Variants in CHN2 observed in about 807,000 individuals in gnomAD.
The protein encoded by CHN2 is beta-chimaerin.
CHN2 carries 35 observed loss-of-function variants against 56.3 expected under a neutral mutation model. The observed-to-expected ratio is 0.62, with a 90% CI of 0.47 to 0.82. The LOEUF (loss-of-function observed/expected upper bound fraction) is 0.82. Among genes scored for constraint, CHN2 ranks in the 40% least tolerant of loss-of-function variants. The pLI is 0.00. For missense variants in CHN2, 491 were observed against 580.5 expected (o/e 0.85, Z 1.58); for synonymous variants, 210 against 212.8 (o/e 0.99, Z 0.12).
At chr7:29,251,403 G>C (rs528822877) in intron 1 of CHN2, among the ~76,000 whole-genome samples, 32 of 152,004 alleles carry the variant, frequency 2.1e-4, no homozygotes, top group Non-Finnish European at 4.1e-4. Context: ...GCAGTGAGCC[G>C]TGATCATGCC....
chr7:29,488,923 C>G (rs10452795), intron 7 of CHN2, among the ~76,000 whole-genome samples: 23,180 of 152,224 alleles, frequency 0.15, 1,971 homozygotes, highest in Admixed American at 0.19. Context: ...AAATTCTCAA[C>G]TGCAGCATGT....
chr7:29,493,742 T>C (rs918458353), intron 7 of CHN2, among the ~76,000 whole-genome samples: 4 of 152,160 alleles, frequency 2.6e-5, no homozygotes, highest in African/African-American at 9.7e-5. Context: ...TCTTCCACTT[T>C]CCATCTCCAC....
At chr7:29,466,111 A>G (rs1310809828) in intron 6 of CHN2, among the ~76,000 whole-genome samples, 5 of 152,146 alleles carry the variant, frequency 3.3e-5, no homozygotes. Context: ...CTGAGGCACA[A>G]GAATCGCTTG....
intron 4 of CHN2, among the ~76,000 whole-genome samples, chr7:29,395,403 G>T (rs971774018): frequency 1.3e-5 from 2 of 152,072 alleles, no homozygotes; most frequent in Non-Finnish European, 2.9e-5. Context: ...CATGCCTATG[G>T]TCCCAGCTAC....
rs70980522 is a variant in CHN2, at chr7:29,293,857, A to ATTTTTT, written c.50-60746_50-60741dup. On this transcript the variant is annotated intron_variant, in intron 1 of 12. Coordinates refer to ENST00000222792, the MANE Select transcript of CHN2 (RefSeq NM_004067.4). ...GCATATAAGCTCCACGAGGCTGGGA[A>ATTTTTT]TTTTTTTTTTTTTTTTTTTTTTTTT... 1.3e-4 allele frequency among the ~76,000 whole-genome samples: 10 copies of ATTTTTT among 78,520 alleles called. 1 individual carries two copies. Among genetic ancestry groups the ATTTTTT allele is most frequent in the African/African-American group, 3.5e-4 (7 of 19,900 alleles). 51.5% of individuals were successfully genotyped at this position (78,520 alleles called of 152,430 possible). A position where few individuals can be genotyped will look rare whatever the true frequency, so the allele number is the denominator to read the frequency against.
At chr7:29,452,983 G>A (rs1784507480) in intron 6 of CHN2, among the ~76,000 whole-genome samples, 1 of 152,206 alleles carries the variant, frequency 6.6e-6, no homozygotes, top group Admixed American at 6.5e-5. Flanking sequence ...CATGACTTTT[G>A]AGGGTCTAAC....
intron 1 of CHN2, among the ~76,000 whole-genome samples, chr7:29,202,371 A>C (rs924554685): frequency 6.6e-6 from 1 of 152,222 alleles, no homozygotes; most frequent in African/African-American, 2.4e-5. Flanking sequence ...AGCACATTTA[A>C]TTGGGGGGAA....
In CHN2 at chr7:29,345,567, A is replaced by G. The variant is rs73305017; in HGVS notation, c.50-9058A>G. On this transcript the variant is annotated intron_variant, in intron 1 of 12. Transcript: ENST00000222792. ...GTGTTCGAGGAGCAAAAGAAAAGCC[A>G]GAGTGGATGAGGGCTAAAGGGCAAG... is the stretch of plus-strand genomic sequence containing the variant. 5.2e-3 allele frequency among the ~76,000 whole-genome samples: 797 copies of G among 152,258 alleles called. 4 individuals carry two copies. The highest frequency in any genetic ancestry group is 0.018 in the African/African-American group (760 of 41,556).
At chr7:29,264,015 G>A (rs918594112) in intron 1 of CHN2, among the ~76,000 whole-genome samples, 14 of 149,962 alleles carry the variant, frequency 9.3e-5, no homozygotes, top group African/African-American at 3.5e-4. Context: ...CCGGGAGCTG[G>A]GGGGCAGGCC....
At chr7:29,203,762 C>T (rs1329391172) in intron 1 of CHN2, among the ~76,000 whole-genome samples, 4 of 152,170 alleles carry the variant, frequency 2.6e-5, no homozygotes, top group African/African-American at 9.7e-5. Context: ...CTTACCAAGG[C>T]AACTCAGCCC....
At chr7:29,256,551 CA>C in intron 1 of CHN2, among the ~76,000 whole-genome samples, 1 of 152,204 alleles carries the variant, frequency 6.6e-6, no homozygotes, top group Middle Eastern at 3.2e-3. Context: ...TTTCTGACCT[CA>C]TTACAAAGAA....
At chr7:29,223,510 A>G (rs1785957578) in intron 1 of CHN2, among the ~76,000 whole-genome samples, 2 of 152,150 alleles carry the variant, frequency 1.3e-5, no homozygotes, top group Admixed American at 6.5e-5. Context: ...ATGGAATCAT[A>G]TAAGATTTAC....
chr7:29,438,604 A>G (rs1341457712), intron 6 of CHN2, among the ~76,000 whole-genome samples: 3 of 152,132 alleles, frequency 2.0e-5, no homozygotes, highest in Non-Finnish European at 4.4e-5. Flanking sequence ...TAAATTTCAG[A>G]TATCTATTTT....
chr7:29,499,771 C>T, intron 8 of CHN2, 96 bp from the exon 9 acceptor site: 1 of 1,172,622 alleles, frequency 8.5e-7, no homozygotes, highest in Non-Finnish European at 1.2e-6. Context: ...ATGTCAAACC[C>T]TTGGGTGGTG....
In CHN2 at chr7:29,400,608, G is replaced by A. The variant is rs1409734964; in HGVS notation, c.356G>A (p.Arg119Lys). 6.2e-7 allele frequency: 1 copy of A among 1,614,186 alleles called. No homozygotes were observed. Among genetic ancestry groups the A allele is most frequent in the Non-Finnish European group, 8.5e-7 (1 of 1,180,038 alleles). The change falls in exon 6 of 13, where the codon AGG becomes AAG. Residue 119 changes from arginine (R) to lysine (K), a missense_variant. Arg to Lys is a conservative substitution (Grantham distance 26). Transcript: ENST00000222792. ...GGGAAACACTTTGTGGGTGAGAAGA[G>A]GTTTGAGTCGATTCATGATCTGGTG... ...HDGKHFVGEK[R>K]FESIHDLVTD... is the part of the protein sequence containing the mutation.
chr7:29,261,572 T>C (rs1486267836), intron 1 of CHN2, among the ~76,000 whole-genome samples: 2 of 152,228 alleles, frequency 1.3e-5, no homozygotes, highest in Admixed American at 6.5e-5. Context: ...TTGAAAACAT[T>C]ATCCCTCAGA....
At chr7:29,493,443 G>T (rs1276203368) in intron 7 of CHN2, among the ~76,000 whole-genome samples, 2 of 152,042 alleles carry the variant, frequency 1.3e-5, no homozygotes, top group African/African-American at 4.8e-5. Context: ...ATCATAGATG[G>T]TGAAATTTAT....
chr7:29,295,986 C>A lies in CHN2; in HGVS notation c.50-58639C>A, dbSNP rs73076427. Among the ~76,000 whole-genome samples the A allele has an allele frequency of 8.2e-3, 1,252 of 152,208 alleles. 5 individuals are homozygous for A. The highest frequency in any genetic ancestry group is 0.015 in the Admixed American group (225 of 15,290). On this transcript the variant is annotated intron_variant, in intron 1 of 12. Transcript: ENST00000222792. ...TGGCAGCTGAGCTGTCTGTGGGCAC[C>A]ACAGGCTTGTCCATGTTGAATAAAT...
intron 1 of CHN2, among the ~76,000 whole-genome samples, chr7:29,347,209 C>T (rs753513942): frequency 5.3e-5 from 8 of 152,086 alleles, no homozygotes; most frequent in African/African-American, 1.7e-4. Flanking sequence ...TTCAATTGAC[C>T]TAACTTATTT....
Sources: allele counts gnomAD v4.1 joint callset (sites outside exome capture counted in the v4.1 genomes callset), GRCh38; gene constraint gnomAD v4.1.1; transcripts MANE v1.5; gene names NCBI Gene and HGNC (gene_info 2026-07-23, HGNC 2026-07-21).